SATL1: variants seen among roughly 807,000 people sequenced by gnomAD.
SATL1 encodes spermidine/spermine N1-acetyl transferase like 1.
Under a neutral mutation model 51.8 loss-of-function variants are expected in SATL1, and 47 were observed. The observed-to-expected ratio is 0.91, with a 90% CI of 0.72 to 1.16. The LOEUF (loss-of-function observed/expected upper bound fraction) is 1.16. Among genes scored for constraint, SATL1 ranks in the 50% most tolerant of loss-of-function variants. The pLI, the probability that SATL1 is intolerant of heterozygous loss-of-function variation, is 0.00. For synonymous variants in SATL1, 176 were observed against 182.4 expected, an observed-to-expected ratio of 0.97 and a Z score of 0.28; for missense variants, 520 against 526.4, an observed-to-expected ratio of 0.99 and a Z score of 0.12.
chrX:85,098,756 A>C (rs1413005623), intron 4 of SATL1, among the ~76,000 whole-genome samples: 1 of 111,707 alleles, frequency 9.0e-6, no homozygotes, highest in Non-Finnish European at 1.9e-5. Flanking sequence ...ACTTAGAGAT[A>C]TGAACGAAAA....
intron 2 of SATL1, among the ~76,000 whole-genome samples, chrX:85,223,256 T>A (rs1928209229): frequency 8.9e-6 from 1 of 111,930 alleles, no homozygotes; most frequent in Non-Finnish European, 1.9e-5. Flanking sequence ...TTATCCCATT[T>A]CCTTTATCAC....
chrX:85,199,668 C>T (rs1400455512), intron 2 of SATL1, among the ~76,000 whole-genome samples: 2 of 111,537 alleles, frequency 1.8e-5, no homozygotes, highest in African/African-American at 6.5e-5. Flanking sequence ...TGAAATAAAC[C>T]AGGCACAGAA....
intron 2 of SATL1, among the ~76,000 whole-genome samples, chrX:85,215,382 T>G (rs368406758): frequency 9.3e-6 from 1 of 107,379 alleles, no homozygotes; most frequent in Non-Finnish European, 2.0e-5. Flanking sequence ...TAGCAAGTGG[T>G]AGTTCCACAA....
At chrX:85,110,733 G>A (rs1332905479) in intron 2 of SATL1, among the ~76,000 whole-genome samples, 1 of 112,241 alleles carries the variant, frequency 8.9e-6, no homozygotes, top group African/African-American at 3.2e-5. Flanking sequence ...GCCCATCTTA[G>A]CATGACAAGC....
chrX:85,107,008 C>T (rs1925059932), intron 3 of SATL1, among the ~76,000 whole-genome samples: 2 of 111,382 alleles, frequency 1.8e-5, no homozygotes, highest in Non-Finnish European at 3.8e-5. Context: ...GTTAAAATTT[C>T]CCCAGGAAAG....
Position 85,092,289 on chromosome X carries a change from T to G in SATL1, c.*102A>C. On this transcript the variant is annotated 3_prime_UTR_variant, in exon 8 of 8. Transcript: ENST00000644105. ...AAGATCTGCTCAAACAAGAATGTGA[T>G]GATCACTTGCTGTATTGTACAACAA... 2 of 866,939 alleles carry G rather than the reference T, an allele frequency of 2.3e-6. No individual in the cohort carries two copies. The highest frequency in any genetic ancestry group is 3.1e-6 in the Non-Finnish European group (2 of 644,550). 71.4% of individuals were successfully genotyped at this position (866,939 alleles called of 1,213,427 possible). A position where few individuals can be genotyped will look rare whatever the true frequency, so the allele number is the denominator to read the frequency against.
chrX:85,224,167 C>T (rs1928229158), intron 2 of SATL1, 38 bp downstream of exon 2: 2 of 111,639 alleles, frequency 1.8e-5, no homozygotes, highest in African/African-American at 6.5e-5. Flanking sequence ...CAGGGTCACG[C>T]TCCCTCCAGA....
intron 2 of SATL1, among the ~76,000 whole-genome samples, chrX:85,164,301 GT>G (rs1926785104): frequency 9.0e-6 from 1 of 110,985 alleles, no homozygotes; most frequent in Admixed American, 9.6e-5. Context: ...TGATTACCTT[GT>G]TTTTTTATTG....
chrX:85,106,238 G>C (rs1925037028), intron 3 of SATL1, among the ~76,000 whole-genome samples: 1 of 111,842 alleles, frequency 8.9e-6, no homozygotes, highest in African/African-American at 3.2e-5. Flanking sequence ...TAATCATTCA[G>C]ATTAATGCCA....
chrX:85,093,593 G>C (rs1924595164), intron 6 of SATL1, among the ~76,000 whole-genome samples: 1 of 112,586 alleles, frequency 8.9e-6, no homozygotes, highest in African/African-American at 3.2e-5. Context: ...ACATGTGATG[G>C]CACGATGGCT....
intron 2 of SATL1, among the ~76,000 whole-genome samples, chrX:85,150,258 A>C (rs558237032): frequency 8.9e-6 from 1 of 112,040 alleles, no homozygotes; most frequent in South Asian, 3.7e-4. Flanking sequence ...TCCCAAGAAT[A>C]AACCAGGAAG....
chrX:85,221,487 C>T (rs1343122529), intron 2 of SATL1, among the ~76,000 whole-genome samples: 1 of 111,868 alleles, frequency 8.9e-6, no homozygotes. Context: ...AACTCTGTAA[C>T]TAGGAACAGT....
chrX:85,139,513 G>T (rs1417082041), intron 2 of SATL1, among the ~76,000 whole-genome samples: 2 of 110,850 alleles, frequency 1.8e-5, no homozygotes, highest in Non-Finnish European at 3.8e-5. Context: ...TTGGGCTCTG[G>T]AGTCTACATA....
intron 2 of SATL1, among the ~76,000 whole-genome samples, chrX:85,199,179 C>G (rs1401257011): frequency 9.0e-6 from 1 of 110,972 alleles, no homozygotes; most frequent in Non-Finnish European, 1.9e-5. Context: ...ACACTCCCCC[C>G]ACTACCCTTA....
At position 85,225,306 on chromosome X, in the gene SATL1, G is replaced by A. The variant is rs750896878; in HGVS notation, c.-434-980C>T. ...AATTGGAATAACATGGGTGAATTGT[G>A]TCAATGTCAATCTTACTGTAATACT... On this transcript the variant is annotated intron_variant, in intron 1 of 7. Transcript: ENST00000644105. 2.1e-4 allele frequency among the ~76,000 whole-genome samples: 23 copies of A among 112,158 alleles called. No homozygotes were observed. In the South Asian group the frequency reaches 8.5e-3, roughly 41 times the overall value.
At chrX:85,100,353 G>C (rs1195203335) in intron 4 of SATL1, among the ~76,000 whole-genome samples, 1 of 111,644 alleles carries the variant, frequency 9.0e-6, no homozygotes, top group Non-Finnish European at 1.9e-5. Context: ...AAAGTTGCAG[G>C]GTACAAGATC....
Position 85,131,209 on chromosome X carries a change from T to C in SATL1, c.-312-21929A>G, listed in dbSNP as rs149911197. Among the ~76,000 whole-genome samples the C allele has an allele frequency of 8.4e-3, 941 of 111,563 alleles. 11 individuals are homozygous for C. Among genetic ancestry groups the C allele is most frequent in the African/African-American group, 0.03 (906 of 30,673 alleles). On this transcript the variant is annotated intron_variant, in intron 2 of 7. Coordinates refer to ENST00000644105, the MANE Select transcript of SATL1 (RefSeq NM_001367857.2). ...TCAATTCCTGGATATCCTTGTTAAC[T>C]TTTTGTCTAGTTGATCTGTCTAATG...
At chrX:85,109,553 A>G (rs928735641) in intron 2 of SATL1, among the ~76,000 whole-genome samples, 1 of 111,207 alleles carries the variant, frequency 9.0e-6, no homozygotes, top group African/African-American at 3.3e-5. Context: ...CTGCTGTTTT[A>G]GCCAATTCAA....
intron 2 of SATL1, among the ~76,000 whole-genome samples, chrX:85,206,148 T>C (rs1446551143): frequency 2.7e-5 from 3 of 111,784 alleles, no homozygotes; most frequent in African/African-American, 9.8e-5. Context: ...GTGGAAATAG[T>C]GAATAGACAG....
Sources: gnomAD v4.1 joint callset for allele counts (sites outside exome capture counted in the v4.1 genomes callset) on GRCh38, gnomAD v4.1.1 for gene constraint, MANE v1.5 for transcripts, NCBI Gene and HGNC (gene_info 2026-07-23, HGNC 2026-07-21) for gene names.